Variants in SCMH1 observed in about 807,000 individuals in gnomAD.
SCMH1 encodes the protein Scm polycomb group protein homolog 1.
SCMH1 carries 37 observed loss-of-function variants against 70.8 expected under a neutral mutation model. That is an observed-to-expected ratio of 0.52 (90% CI 0.40 to 0.69). The LOEUF (loss-of-function observed/expected upper bound fraction) is 0.69. SCMH1 is among the 30% of genes least tolerant of loss of function. The pLI, the probability that SCMH1 is intolerant of heterozygous loss-of-function variation, is 0.00. For synonymous variants in SCMH1, 292 were observed against 307.4 expected, an observed-to-expected ratio of 0.95 and a Z score of 0.52; for missense variants, 607 against 827.3, an observed-to-expected ratio of 0.73 and a Z score of 3.27.
intron 1 of SCMH1, among the ~76,000 whole-genome samples, chr1:41,208,350 G>A (rs1405830759): frequency 1.3e-4 from 18 of 136,070 alleles, no homozygotes; most frequent in Admixed American, 8.9e-4. Flanking sequence ...TGGGTGCAGC[G>A]CACCAGCATG....
intron 2 of SCMH1, among the ~76,000 whole-genome samples, chr1:41,182,115 C>T (rs571330022): frequency 4.6e-5 from 7 of 152,116 alleles, no homozygotes; most frequent in Middle Eastern, 3.4e-3. Flanking sequence ...AACCAAACAC[C>T]GCATGTTCTC....
At chr1:41,170,060 T>C (rs1357482510) in intron 2 of SCMH1, among the ~76,000 whole-genome samples, 1 of 152,232 alleles carries the variant, frequency 6.6e-6, no homozygotes, top group African/African-American at 2.4e-5. Flanking sequence ...AAACTCCTTC[T>C]GGGGGCAAAC....
At chr1:41,028,029 C>G (rs1484744735) in exon 15 of SCMH1, 6 of 776,808 alleles carry the variant, frequency 7.7e-6, no homozygotes, top group Non-Finnish European at 1.3e-5. Flanking sequence ...CATGGAAGGA[C>G]TTATCATGGC....
intron 2 of SCMH1, among the ~76,000 whole-genome samples, chr1:41,170,297 G>A (rs1232556174): frequency 6.6e-6 from 1 of 152,216 alleles, no homozygotes; most frequent in African/African-American, 2.4e-5. Flanking sequence ...TCCATGGGGA[G>A]AAGTTGGATG....
At chr1:41,200,654 A>G (rs1654145835) in intron 1 of SCMH1, among the ~76,000 whole-genome samples, 1 of 151,902 alleles carries the variant, frequency 6.6e-6, no homozygotes, top group Non-Finnish European at 1.5e-5. Flanking sequence ...AATTAAAGGG[A>G]AGAAGGGGTA....
chr1:41,070,471 T>A (rs1365745835), intron 10 of SCMH1, 124 bp downstream of exon 10: 11 of 1,283,680 alleles, frequency 8.6e-6, no homozygotes, highest in South Asian at 1.8e-5. Context: ...AAAGATAAAA[T>A]TTTTTAAAAA....
intron 10 of SCMH1, among the ~76,000 whole-genome samples, chr1:41,051,660 G>T (rs1225035232): frequency 6.6e-6 from 1 of 151,926 alleles, no homozygotes; most frequent in Non-Finnish European, 1.5e-5. Context: ...AATAAATCTA[G>T]AAGTTTTTTA....
intron 1 of SCMH1, among the ~76,000 whole-genome samples, chr1:41,188,165 C>T (rs751897222): frequency 2.6e-5 from 4 of 152,136 alleles, no homozygotes; most frequent in Non-Finnish European, 5.9e-5. Context: ...AGAGATTAGT[C>T]TTAGGAACAC....
At chr1:41,092,575 G>A (rs550093514) in intron 8 of SCMH1, among the ~76,000 whole-genome samples, 1 of 152,300 alleles carries the variant, frequency 6.6e-6, no homozygotes, top group Admixed American at 6.5e-5. Context: ...TATCAGCAGA[G>A]TGAACAGGCA....
chr1:41,075,322 C>A lies in SCMH1; in HGVS notation c.875G>T (p.Gly292Val), dbSNP rs1657941431. 1 of 1,614,046 alleles carries A rather than the reference C, an allele frequency of 6.2e-7. No homozygotes were observed. Among genetic ancestry groups the A allele is most frequent in the African/African-American group, 1.3e-5 (1 of 74,918 alleles). Residue 292 changes from glycine to valine, a missense_variant, in exon 9 of 15, where the codon GGC (glycine) becomes GTC (valine). Physicochemically the swap from Gly to Val is moderately radical, Grantham distance 109. Around this residue, in one of 3 missense-constraint regions of SCMH1, gnomAD observed 430 missense variants for 528.2 expected, o/e 0.81. Coordinates refer to ENST00000337495, the Ensembl canonical transcript of SCMH1. ...GGAAATTAGGGTCTTGGGTGTCCGGCCCCGCTTCTTTCCTGGTTTACGCCC... is the reference window on the plus strand; with the variant it reads ...GGAAATTAGGGTCTTGGGTGTCCGGACCCGCTTCTTTCCTGGTTTACGCCC...
chr1:41,111,743 T>C (rs542981278), intron 8 of SCMH1, among the ~76,000 whole-genome samples: 1 of 152,302 alleles, frequency 6.6e-6, no homozygotes, highest in East Asian at 1.9e-4. Flanking sequence ...ATCATTATAT[T>C]AGTTGTTCCT....
intron 1 of SCMH1, among the ~76,000 whole-genome samples, chr1:41,226,210 A>G (rs1488444839): frequency 6.6e-6 from 1 of 152,216 alleles, no homozygotes; most frequent in Non-Finnish European, 1.5e-5. Context: ...TCATCTTTCT[A>G]GTAATTCATT....
At chr1:41,064,333 C>G (rs530718129) in intron 10 of SCMH1, among the ~76,000 whole-genome samples, 17 of 152,284 alleles carry the variant, frequency 1.1e-4, no homozygotes, top group South Asian at 4.1e-4. Context: ...AAATCAGGAA[C>G]AAGACAAGGA....
chr1:41,190,175 A>T (rs1651341397), intron 1 of SCMH1, among the ~76,000 whole-genome samples: 1 of 152,232 alleles, frequency 6.6e-6, no homozygotes, highest in South Asian at 2.1e-4. Flanking sequence ...TGAGATACAA[A>T]TGCACAATCT....
intron 2 of SCMH1, among the ~76,000 whole-genome samples, chr1:41,175,238 G>A (rs2148540046): frequency 6.6e-6 from 1 of 152,324 alleles, no homozygotes; most frequent in East Asian, 1.9e-4. Flanking sequence ...ACAAAAAGGT[G>A]AAGGAAGAGT....
chr1:41,164,416 C>T (rs1209626330), intron 2 of SCMH1, among the ~76,000 whole-genome samples: 1 of 146,888 alleles, frequency 6.8e-6, no homozygotes, highest in Non-Finnish European at 1.5e-5. Flanking sequence ...CAAATATACT[C>T]TCCCCAACTT....
At chr1:41,124,842 C>T (rs1475173446) in intron 6 of SCMH1, among the ~76,000 whole-genome samples, 2 of 152,030 alleles carry the variant, frequency 1.3e-5, no homozygotes, top group Non-Finnish European at 2.9e-5. Context: ...GTAATCATTC[C>T]GCCTCAGCCT....
At chr1:41,179,371 C>A (rs1408120160) in intron 2 of SCMH1, among the ~76,000 whole-genome samples, 1 of 152,064 alleles carries the variant, frequency 6.6e-6, no homozygotes, top group Admixed American at 6.6e-5. Context: ...AACATCAGAG[C>A]AGAACTGAAG....
intron 10 of SCMH1, among the ~76,000 whole-genome samples, chr1:41,061,775 T>C (rs1200108247): frequency 6.6e-6 from 1 of 152,238 alleles, no homozygotes; most frequent in East Asian, 1.9e-4. Context: ...GCAGGATACA[T>C]ACTCTTTTGA....
Sources: gnomAD v4.1 joint callset for allele counts (sites outside exome capture counted in the v4.1 genomes callset) on GRCh38, gnomAD v4.1.1 for gene constraint, gnomAD v4.1.1 regional missense constraint, MANE v1.5 for transcripts, NCBI Gene and HGNC (gene_info 2026-07-23, HGNC 2026-07-21) for gene names.